MTF1: variants seen among roughly 807,000 people sequenced by gnomAD.
The protein encoded by MTF1 is metal regulatory transcription factor 1.
A neutral mutation model predicts 70.4 loss-of-function variants in MTF1; 22 were observed. That is an observed-to-expected ratio of 0.31 (90% CI 0.22 to 0.45). The LOEUF (loss-of-function observed/expected upper bound fraction) is 0.45, where lower values mean the gene tolerates loss of function less well. Ranked by LOEUF, MTF1 falls within the 20% of genes least tolerant of loss-of-function variation. The pLI is 1.00. For synonymous variants in MTF1, 333 were observed against 352.8 expected, an observed-to-expected ratio of 0.94 and a Z score of 0.63; for missense variants, 649 against 922.0, an observed-to-expected ratio of 0.70 and a Z score of 3.83.
At chr1:37,832,888 C>T (rs2148409392) in intron 6 of MTF1, among the ~76,000 whole-genome samples, 1 of 152,072 alleles carries the variant, frequency 6.6e-6, no homozygotes, top group African/African-American at 2.4e-5. Flanking sequence ...TGCCTGTAAT[C>T]CCAGCTACTC....
intron 7 of MTF1, among the ~76,000 whole-genome samples, chr1:37,831,623 T>A (rs1641089145): frequency 6.6e-6 from 1 of 152,194 alleles, no homozygotes; most frequent in Non-Finnish European, 1.5e-5. Flanking sequence ...CATGGAGCCA[T>A]GGGAATGGCA....
chr1:37,835,740 C>A lies in MTF1; in HGVS notation c.784G>T (p.Asp262Tyr). 1 of 1,613,584 alleles carries A rather than the reference C, an allele frequency of 6.2e-7. No homozygotes were observed. Residue 262 changes from aspartate (D) to tyrosine (Y), a missense_variant, in exon 5 of 11, where the codon GAT becomes TAT. Transcript: ENST00000373036. Reference protein sequence around the residue: ...THTGEKPFRCDHDGCGKAFAA... With the variant: ...THTGEKPFRCYHDGCGKAFAA... ...AATGCTTTTCCACAGCCATCGTGATCGCACCTAAATTTGTTAAGGAAAGAG... is the reference window on the plus strand; with the variant it reads ...AATGCTTTTCCACAGCCATCGTGATAGCACCTAAATTTGTTAAGGAAAGAG...
In MTF1 at chr1:37,835,196, G is replaced by C. The variant is rs770698659; in HGVS notation, c.873C>G (p.Cys291Trp). ...RTHTGERPFF[C>W]PSNGCEKTFS... Reference sequence around the variant, plus strand: ...ATGTTTTCTCACAGCCATTACTGGGGCAGAAGAAGGGTCTTTCACCTGCAA... The same window carrying C: ...ATGTTTTCTCACAGCCATTACTGGGCCAGAAGAAGGGTCTTTCACCTGCAA... The change falls in exon 6 of 11, where the codon TGC becomes TGG. Residue 291 changes from cysteine to tryptophan, a missense_variant. Transcript: ENST00000373036. 6.2e-7 allele frequency: 1 copy of C among 1,613,614 alleles called. No individual in the cohort carries two copies. The highest frequency in any genetic ancestry group is 8.5e-7 in the Non-Finnish European group (1 of 1,179,518).
intron 2 of MTF1, chr1:37,841,082 AT>A (rs1641247941): frequency 5.6e-6 from 1 of 180,002 alleles, no homozygotes; most frequent in South Asian, 1.1e-4. Flanking sequence ...GGAGTCTGAG[AT>A]CATTGACTTT....
At chr1:37,856,136 C>A (rs1465121213) in intron 2 of MTF1, among the ~76,000 whole-genome samples, 1 of 150,228 alleles carries the variant, frequency 6.7e-6, no homozygotes, top group Admixed American at 6.6e-5. Flanking sequence ...TTTTAGATAA[C>A]CTGCTCTCAT....
intron 4 of MTF1, among the ~76,000 whole-genome samples, chr1:37,835,974 G>A (rs1641163153): frequency 6.6e-6 from 1 of 151,936 alleles, no homozygotes; most frequent in South Asian, 2.1e-4. Flanking sequence ...CTAATTTTTT[G>A]TATTTTTAGT....
At chr1:37,820,477 T>TG (rs1447127016) in intron 9 of MTF1, among the ~76,000 whole-genome samples, 1 of 152,228 alleles carries the variant, frequency 6.6e-6, no homozygotes, top group Non-Finnish European at 1.5e-5. Flanking sequence ...TTAACCTCTC[T>TG]GGACCTCTGC....
chr1:37,826,971 T>G (rs2148405475), intron 7 of MTF1, among the ~76,000 whole-genome samples: 1 of 152,216 alleles, frequency 6.6e-6, no homozygotes, highest in East Asian at 1.9e-4. Context: ...GGAGCAAGAC[T>G]CCATCTCAAA....
intron 7 of MTF1, 67 bp downstream of exon 7, chr1:37,832,178 T>C: frequency 9.7e-7 from 1 of 1,033,366 alleles, no homozygotes; most frequent in Non-Finnish European, 1.5e-6. Context: ...GCCTCAATTT[T>C]CCCACCAAAG....
chr1:37,847,707 T>C (rs2148419426), intron 2 of MTF1, among the ~76,000 whole-genome samples: 1 of 152,296 alleles, frequency 6.6e-6, no homozygotes. Flanking sequence ...CACTGTTGTA[T>C]GGGCCAGTGA....
chr1:37,857,287 A>G lies in MTF1; in HGVS notation c.372T>C (p.Thr124=). 1 of 1,613,990 alleles carries G rather than the reference A, an allele frequency of 6.2e-7. No homozygotes were observed. Among genetic ancestry groups the G allele is most frequent in the Non-Finnish European group, 8.5e-7 (1 of 1,179,854 alleles). The part of the protein sequence containing the change: ...MPRNIEGATL[T]LQSECPETKR... ...TTGTTTCCGGACATTCCGACTGCAG[A>G]GTGAGGGTTGCACCTTCAATATTTC... is the stretch of plus-strand genomic sequence containing the variant. The change falls in exon 2 of 11, where the codon ACT becomes ACC. Residue 124 remains threonine, a synonymous_variant. Transcript: ENST00000373036.
At chr1:37,851,881 C>T (rs1446614457) in intron 2 of MTF1, among the ~76,000 whole-genome samples, 1 of 150,348 alleles carries the variant, frequency 6.7e-6, no homozygotes, top group Non-Finnish European at 1.5e-5. Flanking sequence ...AAAAAGCCAA[C>T]TTGACATTTC....
chr1:37,842,448 C>T lies in MTF1; in HGVS notation c.409-2290G>A, dbSNP rs567935059. 4.6e-5 allele frequency among the ~76,000 whole-genome samples: 7 copies of T among 152,338 alleles called. No individual in the cohort carries two copies. In the South Asian group the frequency reaches 1.5e-3, roughly 32 times the overall value. On this transcript the variant is annotated intron_variant, in intron 2 of 10. Coordinates refer to ENST00000373036, the MANE Select transcript of MTF1 (RefSeq NM_005955.3). ...TAACTTCCCGGTAGTCAGACTCTTT[C>T]GTCCTTCCCTATTTTCCTTGACTAT...
At position 37,810,746 on chromosome 1, in the gene MTF1, A is replaced by G. The variant is rs558538501; in HGVS notation, c.*4390T>C. 11 of 152,372 alleles carry G rather than the reference A, an allele frequency of 7.2e-5. No homozygotes were observed. Among genetic ancestry groups the G allele is most frequent in the Non-Finnish European group, 1.2e-4 (8 of 68,034 alleles). The allele number at this position is 152,372 out of a possible 1,614,324, so 9.4% of individuals were successfully genotyped here. ...CTGAAGTATATTCTAAAACTTGTCT[A>G]TTCTATAGCCTGAGAATTGAAGATA... On this transcript the variant is annotated 3_prime_UTR_variant, in exon 11 of 11. Coordinates refer to ENST00000373036, the MANE Select transcript of MTF1 (RefSeq NM_005955.3).
intron 2 of MTF1, among the ~76,000 whole-genome samples, chr1:37,848,687 G>T (rs935270258): frequency 3.9e-5 from 6 of 152,178 alleles, no homozygotes; most frequent in African/African-American, 1.4e-4. Context: ...TGATTACTAA[G>T]GAGAGGTATA....
rs1243646129 is a variant in MTF1, at chr1:37,812,374, A to T, written c.*2762T>A. The T allele has an allele frequency of 6.6e-6, 1 of 152,270 alleles. No homozygotes were observed. Among genetic ancestry groups the T allele is most frequent in the Admixed American group, 6.5e-5 (1 of 15,284 alleles). The allele number at this position is 152,270 out of a possible 1,614,324, so 9.4% of individuals were successfully genotyped here. A position where few individuals can be genotyped will look rare whatever the true frequency, so the allele number is the denominator to read the frequency against. On this transcript the variant is annotated 3_prime_UTR_variant, in exon 11 of 11. Transcript: ENST00000373036. Reference sequence around the variant, plus strand: ...CTGCCTATCCTGGGAAATAAACCTGATCTTCACAACCACTCACTGGCATTT... The same window carrying T: ...CTGCCTATCCTGGGAAATAAACCTGTTCTTCACAACCACTCACTGGCATTT...
Position 37,840,281 on chromosome 1 carries a change from C to T in MTF1, c.409-123G>A. On this transcript the variant is annotated intron_variant, in intron 2 of 10. Transcript: ENST00000373036. This position sits in a 1 kb window ranked among gnomAD's most constrained non-coding sequence, Gnocchi z 4.5. ...TACAACTGGGTTTTCATCATAAACACAGAAAACAGCCTCTAGCAGCAAAGT... is the reference window on the plus strand; with the variant it reads ...TACAACTGGGTTTTCATCATAAACATAGAAAACAGCCTCTAGCAGCAAAGT... 3.7e-6 allele frequency: 3 copies of T among 816,746 alleles called. No individual in the cohort carries two copies. The highest frequency in any genetic ancestry group is 5.0e-5 in the East Asian group (2 of 39,802). The allele number at this position is 816,746 out of a possible 1,614,324, so 50.6% of individuals were successfully genotyped here.
At position 37,815,432 on chromosome 1, in the gene MTF1, G is replaced by A; in HGVS notation, c.1966C>T (p.Pro656Ser). 1 of 1,612,456 alleles carries A rather than the reference G, an allele frequency of 6.2e-7. No individual in the cohort carries two copies. Among genetic ancestry groups the A allele is most frequent in the African/African-American group, 1.3e-5 (1 of 74,916 alleles). ...ASSRRKGCSS[P>S]PPPEPSPQAP... ...TGGGGGCTCGGCTCTGGAGGGGGTG[G>A]GGAGGAGCAGCCCTTTCTCCTGCTG... Residue 656 changes from proline to serine, a missense_variant, in exon 11 of 11, where the codon CCA becomes TCA. This residue lies in a region of MTF1 where 138 missense variants were observed against 134.4 expected (regional missense o/e 1.03). Transcript: ENST00000373036. The surrounding 1 kb of genome is among the most constrained non-coding windows in gnomAD (Gnocchi z 4.5).
intron 4 of MTF1, 65 bp from the exon 5 acceptor site, chr1:37,835,809 T>TC (rs1641159934): frequency 7.2e-7 from 1 of 1,390,230 alleles, no homozygotes; most frequent in Non-Finnish European, 1.0e-6. Context: ...TGAACGTCTT[T>TC]TTTTTTTTTG....
Sources: gnomAD v4.1 joint callset for allele counts (sites outside exome capture counted in the v4.1 genomes callset) on GRCh38, gnomAD v4.1.1 for gene constraint, gnomAD v4.1.1 regional missense constraint, Gnocchi (gnomAD v3.1) non-coding constraint, MANE v1.5 for transcripts, NCBI Gene and HGNC (gene_info 2026-07-23, HGNC 2026-07-21) for gene names.